The following MAP3K3 variants were observed in gnomAD, a reference collection of about 807,000 sequenced individuals.
MAP3K3 encodes the protein mitogen-activated protein kinase kinase kinase 3.
In MAP3K3, 12 loss-of-function variants were observed where a neutral mutation model predicts 80.9. The ratio of observed to expected loss-of-function variants is 0.15; its 90% CI spans 0.10 to 0.24. The LOEUF is 0.24. Ranked by LOEUF, MAP3K3 falls within the 10% of genes least tolerant of loss-of-function variation. MAP3K3 has a pLI of 1.00. For missense variants in MAP3K3, 596 were observed against 834.7 expected (o/e 0.71, Z 3.52); for synonymous variants, 272 against 307.1 (o/e 0.89, Z 1.19).
At chr17:63,664,931 T>C (rs188225174) in intron 5 of MAP3K3, among the ~76,000 whole-genome samples, 17 of 152,246 alleles carry the variant, frequency 1.1e-4, no homozygotes, top group African/African-American at 4.1e-4. Context: ...ATTGAGGTTT[T>C]CAAAATTTGG....
chr17:63,694,240 G>A lies in MAP3K3; in HGVS notation c.*463G>A, dbSNP rs1490307916. The A allele has an allele frequency of 1.9e-5, 3 of 154,046 alleles. No individual in the cohort carries two copies. Among genetic ancestry groups the A allele is most frequent in the Admixed American group, 6.5e-5 (1 of 15,320 alleles). The allele number at this position is 154,046 out of a possible 1,614,324, so 9.5% of individuals were successfully genotyped here. A position where few individuals can be genotyped will look rare whatever the true frequency, so the allele number is the denominator to read the frequency against. ...CTCTGGGCTGGATGAGCTCCCACAAGCCTGAGGGAAAGGCCAGCACTCGCT... is the reference window on the plus strand; with the variant it reads ...CTCTGGGCTGGATGAGCTCCCACAAACCTGAGGGAAAGGCCAGCACTCGCT... On this transcript the variant is annotated 3_prime_UTR_variant, in exon 16 of 16. Coordinates refer to ENST00000361733, the MANE Select transcript of MAP3K3 (RefSeq NM_002401.5).
In MAP3K3 at chr17:63,693,742, C is replaced by T; in HGVS notation, c.1846C>T (p.Leu616=). The T allele has an allele frequency of 2.5e-6, 4 of 1,602,490 alleles. No individual in the cohort carries two copies. The highest frequency in any genetic ancestry group is 3.4e-6 in the Non-Finnish European group (4 of 1,172,824). The change falls in exon 16 of 16, where the codon CTG becomes TTG. Residue 616 remains leucine, a synonymous_variant. Coordinates refer to ENST00000361733, the MANE Select transcript of MAP3K3 (RefSeq NM_002401.5). The surrounding 1 kb of genome is among the most constrained non-coding windows in gnomAD (Gnocchi z 4.2). ...TCGCCAGAGACCTTCAGCTGAGGAG[C>T]TGCTCACACACCACTTTGCACAGCT... ...EARQRPSAEE[L]LTHHFAQLMY
At chr17:63,657,664 C>T in intron 4 of MAP3K3, 130 bp from the exon 5 acceptor site, 2 of 488,156 alleles carry the variant, frequency 4.1e-6, no homozygotes, top group South Asian at 2.6e-5. Context: ...CTTAAGACCC[C>T]ATAGTATCCA....
At chr17:63,632,463 G>T (rs1214178482) in intron 1 of MAP3K3, among the ~76,000 whole-genome samples, 1 of 152,184 alleles carries the variant, frequency 6.6e-6, no homozygotes, top group East Asian at 1.9e-4. Context: ...CTGCACTCCA[G>T]CCTGAGTGAC....
intron 2 of MAP3K3, among the ~76,000 whole-genome samples, chr17:63,638,380 C>A (rs188284411): frequency 6.6e-6 from 1 of 152,198 alleles, no homozygotes; most frequent in Admixed American, 6.5e-5. Flanking sequence ...GTAACTGAGG[C>A]CTTTTTCAGG....
chr17:63,673,775 A>G (rs1027419925), intron 6 of MAP3K3, among the ~76,000 whole-genome samples: 1 of 152,094 alleles, frequency 6.6e-6, no homozygotes, highest in Non-Finnish European at 1.5e-5. Context: ...GCCAGGTATG[A>G]TGGCAGGTGC....
intron 4 of MAP3K3, among the ~76,000 whole-genome samples, chr17:63,653,784 T>G (rs997620835): frequency 6.6e-6 from 1 of 152,256 alleles, no homozygotes; most frequent in African/African-American, 2.4e-5. Flanking sequence ...GATTAAAAAA[T>G]TTATCATCTA....
Position 63,690,409 on chromosome 17 carries a change from C to A in MAP3K3, c.1209C>A (p.Ser403Arg). ...TTGATCCAGACAGTCCTGAGACAAGCAAGGTACACTTAACCCGTGGTCTGA... is the reference window on the plus strand; with the variant it reads ...TTGATCCAGACAGTCCTGAGACAAGAAAGGTACACTTAACCCGTGGTCTGA... ...VQFDPDSPET[S>R]KEVSALECEI... is the part of the protein sequence containing the mutation. Residue 403 changes from serine (S) to arginine (R), a missense_variant, in exon 12 of 16, where the codon AGC (serine) becomes AGA (arginine). Ser to Arg is a moderately radical substitution (Grantham distance 110). Coordinates refer to ENST00000361733, the MANE Select transcript of MAP3K3 (RefSeq NM_002401.5). The A allele has an allele frequency of 6.2e-7, 1 of 1,613,540 alleles. No homozygotes were observed. The highest frequency in any genetic ancestry group is 8.5e-7 in the Non-Finnish European group (1 of 1,179,734).
chr17:63,691,342 C>A lies in MAP3K3; in HGVS notation c.1344+109C>A, dbSNP rs2035586646. ...TGGATAGGAGTTTGAACACCTGAGG[C>A]TCCAGAGGCCCAGAGGAGCAAAGTG... On this transcript the variant is annotated intron_variant, in intron 13 of 15. Transcript: ENST00000361733. This position sits in a 1 kb window ranked among gnomAD's most constrained non-coding sequence, Gnocchi z 4.8. 1.3e-6 allele frequency: 2 copies of A among 1,481,508 alleles called. No homozygotes were observed. The highest frequency in any genetic ancestry group is 1.9e-6 in the Non-Finnish European group (2 of 1,078,464). 91.8% of individuals were successfully genotyped at this position (1,481,508 alleles called of 1,614,324 possible).
At chr17:63,674,730 G>C (rs1029439724) in intron 6 of MAP3K3, among the ~76,000 whole-genome samples, 3 of 152,166 alleles carry the variant, frequency 2.0e-5, no homozygotes, top group Non-Finnish European at 4.4e-5. Flanking sequence ...GGTTAAAGGT[G>C]ATGAAGAGGA....
chr17:63,667,176 T>TACAC, intron 6 of MAP3K3, 116 bp downstream of exon 6: 17 of 1,142,478 alleles, frequency 1.5e-5, no homozygotes, highest in Non-Finnish European at 1.9e-5. Flanking sequence ...TTACTCTGTG[T>TACAC]AGAGTAATCC....
chr17:63,680,066 C>A (rs771072364), intron 6 of MAP3K3, among the ~76,000 whole-genome samples: 1 of 152,166 alleles, frequency 6.6e-6, no homozygotes, highest in Admixed American at 6.5e-5. Context: ...TCAGGTACTT[C>A]CCTAGGTCTC....
intron 2 of MAP3K3, among the ~76,000 whole-genome samples, chr17:63,644,033 T>C (rs1441707806): frequency 6.6e-6 from 1 of 152,202 alleles, no homozygotes; most frequent in Admixed American, 6.5e-5. Flanking sequence ...GTAACTCAGT[T>C]ATTTTCTGTA....
In MAP3K3 at chr17:63,693,565, G is replaced by T. The variant is rs150374712; in HGVS notation, c.1669G>T (p.Val557Leu). 6.2e-7 allele frequency: 1 copy of T among 1,608,566 alleles called. No homozygotes were observed. The highest frequency in any genetic ancestry group is 8.5e-7 in the Non-Finnish European group (1 of 1,177,692). The change falls in exon 16 of 16, where the codon GTG becomes TTG. Residue 557 changes from valine to leucine, a missense_variant. This residue lies in a region of MAP3K3 where 364 missense variants were observed against 588.9 expected (regional missense o/e 0.62). Transcript: ENST00000361733. The surrounding 1 kb of genome is among the most constrained non-coding windows in gnomAD (Gnocchi z 4.2). ...KADVWSLGCTVVEMLTEKPPW... is the reference protein window; with the variant it reads ...KADVWSLGCTLVEMLTEKPPW... Reference sequence around the variant, plus strand: ...TCTTTCCAGGAGCCTGGGCTGCACTGTGGTGGAGATGCTGACAGAGAAACC... The same window carrying T: ...TCTTTCCAGGAGCCTGGGCTGCACTTTGGTGGAGATGCTGACAGAGAAACC...
At position 63,650,658 on chromosome 17, in the gene MAP3K3, T is replaced by TAGAGAGAG. The variant is rs61412799; in HGVS notation, c.168-1868_168-1861dup. The stretch of plus-strand genomic sequence containing the variant: ...AGACCTTCTCTCTCTCTGTCTCTTA[T>TAGAGAGAG]AGAGAGAGAGAGAGAGAGAGAGAGA... On this transcript the variant is annotated intron_variant, in intron 3 of 15. Transcript: ENST00000361733. Among the ~76,000 whole-genome samples the TAGAGAGAG allele has an allele frequency of 1.4e-3, 165 of 117,268 alleles. 1 individual carries two copies. The highest frequency in any genetic ancestry group is 4.2e-3 in the African/African-American group (127 of 30,390). 76.9% of individuals were successfully genotyped at this position (117,268 alleles called of 152,430 possible). A position where few individuals can be genotyped will look rare whatever the true frequency, so the allele number is the denominator to read the frequency against.
In MAP3K3 at chr17:63,694,368, C is replaced by CCT. The variant is rs1409167919; in HGVS notation, c.*592_*593dup. On this transcript the variant is annotated 3_prime_UTR_variant, in exon 16 of 16. Transcript: ENST00000361733. ...GATGAATGAAGCAAATGTCATGCTGCCTTATTCAGGGAAGGAGGAGCCTGT... is the reference window on the plus strand; with the variant it reads ...GATGAATGAAGCAAATGTCATGCTGCCTCTTATTCAGGGAAGGAGGAGCCTGT... 4 of 152,690 alleles carry CCT rather than the reference C, an allele frequency of 2.6e-5. No individual in the cohort carries two copies. Among genetic ancestry groups the CCT allele is most frequent in the African/African-American group, 9.6e-5 (4 of 41,452 alleles). 9.5% of individuals were successfully genotyped at this position (152,690 alleles called of 1,614,324 possible). A position where few individuals can be genotyped will look rare whatever the true frequency, so the allele number is the denominator to read the frequency against.
intron 2 of MAP3K3, among the ~76,000 whole-genome samples, chr17:63,633,473 TAAG>T (rs1282916783): frequency 3.3e-5 from 5 of 152,336 alleles, no homozygotes; most frequent in East Asian, 1.9e-4. Context: ...AAAATATAAT[TAAG>T]AAGGTAAATT....
At chr17:63,644,113 A>G (rs1028926436) in intron 2 of MAP3K3, among the ~76,000 whole-genome samples, 1 of 152,180 alleles carries the variant, frequency 6.6e-6, no homozygotes, top group African/African-American at 2.4e-5. Context: ...GCTTAGAACA[A>G]TGCTTGGTTT....
chr17:63,659,132 A>G (rs1225988438), intron 5 of MAP3K3, among the ~76,000 whole-genome samples: 1 of 152,204 alleles, frequency 6.6e-6, no homozygotes, highest in African/African-American at 2.4e-5. Context: ...TTAGCCTTGC[A>G]AAGTGCTGGG....
Sources: allele counts gnomAD v4.1 joint callset (sites outside exome capture counted in the v4.1 genomes callset), GRCh38; gene constraint gnomAD v4.1.1; regional missense constraint gnomAD v4.1.1; non-coding constraint Gnocchi (gnomAD v3.1); transcripts MANE v1.5; gene names NCBI Gene and HGNC (gene_info 2026-07-23, HGNC 2026-07-21).